Variants in CFAP299 observed in about 807,000 individuals in gnomAD.
CFAP299 encodes cilia and flagella associated protein 299, also known as cilia- and flagella-associated protein 299.
In CFAP299, 21 loss-of-function variants were observed where a neutral mutation model predicts 27.0. The observed-to-expected ratio is 0.78, with a 90% confidence interval of 0.55 to 1.12. CFAP299 has a LOEUF of 1.12. Among genes scored for constraint, CFAP299 ranks in the 50% most tolerant of loss-of-function variants. CFAP299 has a pLI of 0.00. For synonymous variants in CFAP299, 104 were observed against 98.1 expected (o/e 1.06, Z -0.36); for missense variants, 310 against 276.6 (o/e 1.12, Z -0.86).
chr4:80,436,385 G>A (rs957525326), intron 2 of CFAP299, among the ~76,000 whole-genome samples: 17 of 149,068 alleles, frequency 1.1e-4, no homozygotes, highest in African/African-American at 4.0e-4. Context: ...TGTAAGCTCC[G>A]CCTCACAGGT....
At chr4:80,629,894 CA>C (rs540362581) in intron 3 of CFAP299, among the ~76,000 whole-genome samples, 1 of 130,008 alleles carries the variant, frequency 7.7e-6, no homozygotes, top group East Asian at 2.2e-4. Context: ...ACAAAAAAAA[CA>C]AAAAAAACCC....
At chr4:80,688,174 G>A (rs1408284451) in intron 3 of CFAP299, among the ~76,000 whole-genome samples, 1 of 152,272 alleles carries the variant, frequency 6.6e-6, no homozygotes, top group Non-Finnish European at 1.5e-5. Context: ...AGCTCGAACA[G>A]AGTGGAACCC....
intron 2 of CFAP299, among the ~76,000 whole-genome samples, chr4:80,470,956 G>A (rs1238730022): frequency 1.3e-5 from 2 of 152,140 alleles, no homozygotes; most frequent in Non-Finnish European, 2.9e-5. Flanking sequence ...ATTATAAAGA[G>A]ATAAGGACAG....
At chr4:80,558,942 T>C (rs925373320) in intron 2 of CFAP299, among the ~76,000 whole-genome samples, 3 of 151,974 alleles carry the variant, frequency 2.0e-5, no homozygotes, top group Non-Finnish European at 4.4e-5. Context: ...ACGAGAAAAA[T>C]CATAATCATT....
chr4:80,520,730 AAT>A (rs1331921624), intron 2 of CFAP299, among the ~76,000 whole-genome samples: 1 of 152,240 alleles, frequency 6.6e-6, no homozygotes, highest in East Asian at 1.9e-4. Context: ...TAAAAGATAG[AAT>A]CGAAGACGAG....
intron 3 of CFAP299, among the ~76,000 whole-genome samples, chr4:80,612,315 G>A (rs745474494): frequency 2.0e-5 from 3 of 151,914 alleles, no homozygotes; most frequent in African/African-American, 4.8e-5. Context: ...GGGATAGATT[G>A]CCTCAATTTG....
chr4:80,351,163 A>G (rs1009960398), intron 1 of CFAP299, among the ~76,000 whole-genome samples: 2 of 152,184 alleles, frequency 1.3e-5, no homozygotes, highest in African/African-American at 4.8e-5. Context: ...AAGGAAAATT[A>G]TATATAAGCA....
At chr4:80,722,676 G>A (rs1722900131) in intron 3 of CFAP299, among the ~76,000 whole-genome samples, 3 of 152,052 alleles carry the variant, frequency 2.0e-5, no homozygotes, top group African/African-American at 4.8e-5. Context: ...TGAGGCAGGC[G>A]GATCACGAGG....
intron 3 of CFAP299, among the ~76,000 whole-genome samples, chr4:80,614,330 C>T (rs1026146215): frequency 4.6e-5 from 7 of 152,172 alleles, no homozygotes; most frequent in Non-Finnish European, 8.8e-5. Flanking sequence ...ATTTGTGTGA[C>T]TAATAATGAC....
intron 3 of CFAP299, among the ~76,000 whole-genome samples, chr4:80,732,102 G>A (rs759560243): frequency 4.7e-5 from 7 of 149,122 alleles, no homozygotes; most frequent in African/African-American, 1.0e-4. Flanking sequence ...CACACACAGT[G>A]TTGTGTGTTT....
intron 3 of CFAP299, among the ~76,000 whole-genome samples, chr4:80,770,874 G>T (rs1306192090): frequency 6.6e-6 from 1 of 152,042 alleles, no homozygotes; most frequent in East Asian, 1.9e-4. Context: ...TTGCCAGATG[G>T]CTCCCTCCAT....
chr4:80,391,500 C>T (rs1041688012), intron 2 of CFAP299, among the ~76,000 whole-genome samples: 3 of 152,130 alleles, frequency 2.0e-5, no homozygotes, highest in Non-Finnish European at 4.4e-5. Context: ...AACAGTCACA[C>T]ACTGTATAAC....
At chr4:80,516,402 G>A (rs1732591028) in intron 2 of CFAP299, among the ~76,000 whole-genome samples, 1 of 152,026 alleles carries the variant, frequency 6.6e-6, no homozygotes, top group Non-Finnish European at 1.5e-5. Context: ...ATGGTTCTGT[G>A]GGCTATACAA....
intron 3 of CFAP299, among the ~76,000 whole-genome samples, chr4:80,607,368 C>T (rs754306856): frequency 6.6e-6 from 1 of 151,746 alleles, no homozygotes. Context: ...ATAAGGATAT[C>T]GAGATGCTCT....
At chr4:80,688,512 A>G (rs1720397443) in intron 3 of CFAP299, among the ~76,000 whole-genome samples, 1 of 152,254 alleles carries the variant, frequency 6.6e-6, no homozygotes, top group South Asian at 2.1e-4. Flanking sequence ...ACTAACAAAC[A>G]GAAAGGACAT....
At chr4:80,599,275 A>G (rs1737210615) in intron 3 of CFAP299, among the ~76,000 whole-genome samples, 1 of 152,002 alleles carries the variant, frequency 6.6e-6, no homozygotes, top group South Asian at 2.1e-4. Context: ...AATCGTCTTC[A>G]TTTTCTGCAT....
At chr4:80,573,210 TTGTAGTGATTAA>T (rs1231509362) in intron 2 of CFAP299, among the ~76,000 whole-genome samples, 2 of 152,146 alleles carry the variant, frequency 1.3e-5, no homozygotes, top group African/African-American at 4.8e-5. Context: ...ATTTGCATTT[TTGTAGTGATTAA>T]TGATGTTGAA....
chr4:80,558,647 C>A (rs1734899013), intron 2 of CFAP299, among the ~76,000 whole-genome samples: 1 of 151,384 alleles, frequency 6.6e-6, no homozygotes. Context: ...ATTTTATAAT[C>A]CCAGATGCGA....
chr4:80,711,407 G>A (rs1722160563), intron 3 of CFAP299, among the ~76,000 whole-genome samples: 1 of 152,156 alleles, frequency 6.6e-6, no homozygotes, highest in South Asian at 2.1e-4. Context: ...AGCTGCTGCT[G>A]AATAAACTCA....
Sources: gnomAD v4.1 joint callset for allele counts (sites outside exome capture counted in the v4.1 genomes callset) on GRCh38, gnomAD v4.1.1 for gene constraint, MANE v1.5 for transcripts, NCBI Gene and HGNC (gene_info 2026-07-23, HGNC 2026-07-21) for gene names.